Variants in SLC75A1 observed in about 807,000 individuals in gnomAD.
SLC75A1 encodes the protein major facilitator superfamily domain containing 10.
the SLC75A1 span, chr4:2,933,295 C>A: frequency 7.5e-7 from 1 of 1,327,122 alleles, no homozygotes; most frequent in Non-Finnish European, 1.1e-6. Context: ...CCAGCCCCGT[C>A]CTGAGGGTCC....
the SLC75A1 span, chr4:2,930,871 C>G: frequency 6.2e-7 from 1 of 1,613,124 alleles, no homozygotes; most frequent in South Asian, 1.1e-5. Flanking sequence ...CCGGGTAACT[C>G]AGCTTCTGCA....
chr4:2,934,281 G>GGATCCGGATCCCGATCCC, the SLC75A1 span: 30 of 261,900 alleles, frequency 1.1e-4, no homozygotes, highest in African/African-American at 6.8e-4. Context: ...CGGGGAACCC[G>GGATCCGGATCCCGATCCC]GATCCCGATC....
At chr4:2,932,353 G>A in the SLC75A1 span, 27 of 1,612,370 alleles carry the variant, frequency 1.7e-5, no homozygotes, top group Non-Finnish European at 1.9e-5. Flanking sequence ...AGCCCTACCC[G>A]TTTCTCCAGG....
At chr4:2,930,674 G>GAGTA in the SLC75A1 span, 581 of 686,624 alleles carry the variant, frequency 8.5e-4, 1 homozygote, top group African/African-American at 4.1e-3. Context: ...GTCACTGAAG[G>GAGTA]AGTAAGTAAG....
chr4:2,932,709 G>C, the SLC75A1 span: 1 of 1,601,900 alleles, frequency 6.2e-7, no homozygotes, highest in South Asian at 1.1e-5. Context: ...CAGGAAGGCC[G>C]CAAAGCTCCG....
At chr4:2,933,225 C>T in the SLC75A1 span, 8 of 1,610,866 alleles carry the variant, frequency 5.0e-6, no homozygotes, top group South Asian at 5.5e-5. Flanking sequence ...AGACAGATGT[C>T]ACCATCATGG....
the SLC75A1 span, chr4:2,930,894 G>T: frequency 1.2e-6 from 2 of 1,613,084 alleles, no homozygotes. Flanking sequence ...AGGAAGAAGG[G>T]GAGCAAAAAG....
At chr4:2,933,840 G>A in the SLC75A1 span, 4 of 1,590,116 alleles carry the variant, frequency 2.5e-6, no homozygotes, top group Non-Finnish European at 3.4e-6. Context: ...GGCCGAGAAA[G>A]ACAACGGTGA....
chr4:2,931,469 C>T, the SLC75A1 span: 3 of 1,576,588 alleles, frequency 1.9e-6, no homozygotes, highest in Non-Finnish European at 2.6e-6. Flanking sequence ...GGAGGGCCTG[C>T]AGGTGGGCAC....
chr4:2,932,590 G>A, the SLC75A1 span: 6 of 1,613,038 alleles, frequency 3.7e-6, no homozygotes, highest in Non-Finnish European at 5.1e-6. Flanking sequence ...GGCCCAGCCT[G>A]TGCACTTACC....
the SLC75A1 span, chr4:2,930,889 G>C: frequency 6.2e-7 from 1 of 1,613,110 alleles, no homozygotes. Context: ...GCAGGAGGAA[G>C]AAGGGGAGCA....
chr4:2,934,730 A>ACCCCGGG, the SLC75A1 span: 35 of 37,760 alleles, frequency 9.3e-4, 1 homozygote, highest in Admixed American at 8.0e-3. Context: ...AGCGCCCCCT[A>ACCCCGGG]CGCCCCCCAC....
the SLC75A1 span, chr4:2,932,735 T>G: frequency 1.3e-6 from 2 of 1,584,238 alleles, no homozygotes; most frequent in Non-Finnish European, 1.7e-6. Flanking sequence ...TGGCCCAGAC[T>G]GCATATGAGG....
the SLC75A1 span, chr4:2,930,954 C>G: frequency 1.2e-6 from 2 of 1,613,060 alleles, no homozygotes; most frequent in Non-Finnish European, 1.7e-6. Flanking sequence ...AGCCAGTACA[C>G]TGCGGAGAGA....
At chr4:2,931,682 G>A in the SLC75A1 span, 30,001 of 1,606,388 alleles carry the variant, frequency 0.019, 368 homozygotes, top group Non-Finnish European at 0.021. Context: ...GGGTGTGTTA[G>A]TGCAGGGCAC....
At chr4:2,933,110 C>T in the SLC75A1 span, 1 of 1,613,294 alleles carries the variant, frequency 6.2e-7, no homozygotes, top group Non-Finnish European at 8.5e-7. Context: ...ACATACCAGG[C>T]ACAGCAGCAT....
At chr4:2,931,676 G>T in the SLC75A1 span, 1 of 1,609,486 alleles carries the variant, frequency 6.2e-7, no homozygotes, top group South Asian at 1.1e-5. Flanking sequence ...GGGAGCGGGT[G>T]TGTTAGTGCA....
At chr4:2,932,391 A>G in the SLC75A1 span, 4,269 of 1,613,606 alleles carry the variant, frequency 2.6e-3, 13 homozygotes, top group Non-Finnish European at 3.3e-3. Context: ...GAAGCAGAAG[A>G]TGAACAGCAG....
At chr4:2,932,087 A>G in the SLC75A1 span, 4 of 1,610,986 alleles carry the variant, frequency 2.5e-6, no homozygotes, top group Non-Finnish European at 3.4e-6. Flanking sequence ...ACAGCCGAGA[A>G]GCGCAGCAGG....
Sources: gnomAD v4.1 joint callset for allele counts on GRCh38, gnomAD v4.1.1 for gene constraint, MANE v1.5 for transcripts, NCBI Gene and HGNC (gene_info 2026-07-23, HGNC 2026-07-21) for gene names.